The following ACACA variants were observed in gnomAD, a reference collection of about 807,000 sequenced individuals.
ACACA encodes the protein acetyl-CoA carboxylase 1.
In ACACA, 103 loss-of-function variants were observed where a neutral mutation model predicts 296.1. The ratio of observed to expected loss-of-function variants is 0.35; its 90% confidence interval spans 0.30 to 0.41. ACACA has a LOEUF of 0.41. Among genes scored for constraint, ACACA ranks in the 10% least tolerant of loss-of-function variants. ACACA has a pLI of 1.00. For synonymous variants in ACACA, 953 were observed against 1,038.6 expected (o/e 0.92, Z 1.58); for missense variants, 1,554 against 2,989.7 (o/e 0.52, Z 11.20).
Position 37,330,377 on chromosome 17 carries a change from G to A in ACACA, c.134C>T (p.Ala45Val). 1 of 1,614,184 alleles carries A rather than the reference G, an allele frequency of 6.2e-7. No individual in the cohort carries two copies. Among genetic ancestry groups the A allele is most frequent in the African/African-American group, 1.3e-5 (1 of 75,046 alleles). The part of the protein sequence containing the change: ...GGIMDEPSPL[A>V]QPLELNQHSR... ...GTGCTGGTTCAGCTCCAGAGGTTGG[G>A]CCAAGGGAGATGGTTCATCCATTAT... The change falls in exon 3 of 56, where the codon GCC becomes GTC. Residue 45 changes from alanine to valine, a missense_variant. This residue lies in a region of ACACA where 140 missense variants were observed against 147.7 expected (regional missense o/e 0.95). Transcript: ENST00000616317.
At chr17:37,337,255 A>T (rs985675698) in intron 2 of ACACA, among the ~76,000 whole-genome samples, 30 of 151,986 alleles carry the variant, frequency 2.0e-4, no homozygotes, top group African/African-American at 6.8e-4. Flanking sequence ...CCTAAAAAAA[A>T]ATTTTTTTTA....
chr17:37,146,993 C>T (rs2075839208), intron 45 of ACACA, among the ~76,000 whole-genome samples: 1 of 152,072 alleles, frequency 6.6e-6, no homozygotes. Context: ...AGGAGACGTG[C>T]ATTATCATTA....
intron 1 of ACACA, among the ~76,000 whole-genome samples, chr17:37,404,662 C>A (rs1211199597): frequency 2.0e-5 from 3 of 150,904 alleles, no homozygotes; most frequent in Non-Finnish European, 4.4e-5. Context: ...GCAACCTCCA[C>A]CTCCCAGGTT....
chr17:37,229,152 A>C (rs2079707957), intron 25 of ACACA, among the ~76,000 whole-genome samples: 2 of 151,924 alleles, frequency 1.3e-5, no homozygotes, highest in South Asian at 4.2e-4. Flanking sequence ...TCAAAAAAAA[A>C]AAAAAAGCAC....
chr17:37,277,985 G>C lies in ACACA; in HGVS notation c.631C>G (p.His211Asp), dbSNP rs1416516819. The change falls in exon 6 of 56, where the codon CAC becomes GAC. Residue 211 changes from histidine to aspartate, a missense_variant. Physicochemically the swap from His to Asp is moderately conservative, Grantham distance 81. This residue lies in a region of ACACA where 29 missense variants were observed against 90.3 expected (regional missense o/e 0.32). Coordinates refer to ENST00000616317, the MANE Select transcript of ACACA (RefSeq NM_198834.3). Reference sequence around the variant, plus strand: ...GGTCCTCCAGGCACTGGCACATAGTGATCTGCCATCTTAATGTATTCTGAA... The same window carrying C: ...GGTCCTCCAGGCACTGGCACATAGTCATCTGCCATCTTAATGTATTCTGAA... ...ANAEYIKMAD[H>D]YVPVPGGPNN... The C allele has an allele frequency of 6.2e-7, 1 of 1,613,400 alleles. No individual in the cohort carries two copies. Among genetic ancestry groups the C allele is most frequent in the East Asian group, 2.2e-5 (1 of 44,864 alleles).
rs1020239151 is a variant in ACACA, at chr17:37,385,922, A to T, written c.38+20340T>A. The T allele has an allele frequency of 3.5e-6, 3 of 858,666 alleles. No individual in the cohort carries two copies. In the African/African-American group the frequency reaches 5.2e-5, roughly 15 times the overall value. 53.2% of individuals were successfully genotyped at this position (858,666 alleles called of 1,614,324 possible). ...ATGGGACCACAATTGGAAGTTTACTATCAGCTGGGCAGGGTTTCATCAGAT... is the reference window on the plus strand; with the variant it reads ...ATGGGACCACAATTGGAAGTTTACTTTCAGCTGGGCAGGGTTTCATCAGAT... On this transcript the variant is annotated intron_variant, in intron 1 of 55. Transcript: ENST00000616317.
intron 41 of ACACA, 85 bp from the exon 42 acceptor site, chr17:37,162,135 C>T (rs1341497298): frequency 7.1e-7 from 1 of 1,418,216 alleles, no homozygotes; most frequent in Non-Finnish European, 9.9e-7. Flanking sequence ...CAGAGTATAC[C>T]TAGGCACAGC....
intron 45 of ACACA, among the ~76,000 whole-genome samples, chr17:37,138,242 T>C (rs2075412116): frequency 6.6e-6 from 1 of 152,214 alleles, no homozygotes; most frequent in African/African-American, 2.4e-5. Context: ...CATAGCTAGA[T>C]TTGGATCCAT....
chr17:37,225,179 T>C (rs1206836794), intron 26 of ACACA, 74 bp from the exon 27 acceptor site: 9 of 877,494 alleles, frequency 1.0e-5, no homozygotes, highest in Admixed American at 7.0e-5. Flanking sequence ...GCAGCTCTGA[T>C]ACAAAAGCAA....
intron 41 of ACACA, among the ~76,000 whole-genome samples, chr17:37,166,952 A>T (rs531454289): frequency 2.1e-4 from 31 of 148,874 alleles, no homozygotes; most frequent in Admixed American, 3.4e-4. Flanking sequence ...TTGTTTACTT[A>T]TTTTTTTTTT....
At chr17:37,376,372 C>T (rs1266026955) in intron 1 of ACACA, among the ~76,000 whole-genome samples, 2 of 152,178 alleles carry the variant, frequency 1.3e-5, no homozygotes, top group East Asian at 3.8e-4. Context: ...GAATGTGATG[C>T]ATTCTTATGT....
chr17:37,317,576 C>T (rs552466933), intron 3 of ACACA, among the ~76,000 whole-genome samples: 64 of 152,218 alleles, frequency 4.2e-4, no homozygotes, highest in African/African-American at 1.3e-3. Flanking sequence ...AAAAAAACTT[C>T]TTGGATTTCC....
intron 52 of ACACA, among the ~76,000 whole-genome samples, chr17:37,104,704 G>C (rs1042134653): frequency 3.3e-5 from 5 of 152,168 alleles, no homozygotes; most frequent in African/African-American, 1.2e-4. Flanking sequence ...CACTTTGAGA[G>C]GCCAAGGTGG....
rs73282814 is a variant in ACACA at position 37,282,129 on chromosome 17, G to T, written c.610+1138C>A. Among the ~76,000 whole-genome samples the T allele has an allele frequency of 6.7e-3, 1,022 of 152,264 alleles. 11 individuals carry two copies. Among genetic ancestry groups the T allele is most frequent in the African/African-American group, 0.024 (982 of 41,548 alleles). On this transcript the variant is annotated intron_variant, in intron 5 of 55. Transcript: ENST00000616317. Reference sequence around the variant, plus strand: ...TGGTAGGAGGTGTTTGGATCATGAGGGCAGCTCCCTCATGAATGGCTTGGG... The same window carrying T: ...TGGTAGGAGGTGTTTGGATCATGAGTGCAGCTCCCTCATGAATGGCTTGGG...
intron 41 of ACACA, among the ~76,000 whole-genome samples, chr17:37,168,520 T>C (rs1475856757): frequency 1.3e-5 from 2 of 148,714 alleles, no homozygotes; most frequent in Admixed American, 6.7e-5. Flanking sequence ...AGCATTTCCA[T>C]AACAAAAAAA....
intron 5 of ACACA, among the ~76,000 whole-genome samples, chr17:37,282,372 G>C (rs2082579028): frequency 6.6e-6 from 1 of 152,200 alleles, no homozygotes; most frequent in South Asian, 2.1e-4. Flanking sequence ...CTGTAGAATT[G>C]TGAGCCAATT....
rs546591173 is a variant in ACACA at position 37,321,797 on chromosome 17, A to T, written c.338+8376T>A. 9.0e-4 allele frequency among the ~76,000 whole-genome samples: 136 copies of T among 151,498 alleles called. 2 individuals carry two copies. In the South Asian group the frequency reaches 0.027, roughly 30 times the overall value. ...AAAAAAAAATACAAATACAAAAATTAGCCGGGCATGGTGGTGCACACCTGT... is the reference window on the plus strand; with the variant it reads ...AAAAAAAAATACAAATACAAAAATTTGCCGGGCATGGTGGTGCACACCTGT... On this transcript the variant is annotated intron_variant, in intron 3 of 55. Coordinates refer to ENST00000616317, the MANE Select transcript of ACACA (RefSeq NM_198834.3).
chr17:37,161,828 G>C lies in ACACA; in HGVS notation c.5302C>G (p.Arg1768Gly). ...GARIGLAEEI[R>G]HMFHVAWVDP... ...ACCCAGGCCACATGAAACATATGGC[G>C]AATTTCTTCTGCCAGTCCGATTCTT... The change falls in exon 42 of 56, where the codon CGC becomes GGC. Residue 1768 changes from arginine to glycine, a missense_variant. Physicochemically the swap from Arg to Gly is moderately radical, Grantham distance 125. Around this residue, in one of 16 missense-constraint regions of ACACA, gnomAD observed 553 missense variants for 1,043.6 expected, o/e 0.53. Coordinates refer to ENST00000616317, the MANE Select transcript of ACACA (RefSeq NM_198834.3). 6.2e-7 allele frequency: 1 copy of C among 1,613,754 alleles called. No homozygotes were observed. The highest frequency in any genetic ancestry group is 8.5e-7 in the Non-Finnish European group (1 of 1,179,988).
At chr17:37,216,049 GAC>G (rs2078966444) in intron 29 of ACACA, among the ~76,000 whole-genome samples, 1 of 144,150 alleles carries the variant, frequency 6.9e-6, no homozygotes, top group African/African-American at 2.6e-5. Context: ...GTTAAAAAAT[GAC>G]ACATTAAAAA....
Sources: allele counts gnomAD v4.1 joint callset (sites outside exome capture counted in the v4.1 genomes callset), GRCh38; gene constraint gnomAD v4.1.1; regional missense constraint gnomAD v4.1.1; transcripts MANE v1.5; gene names NCBI Gene and HGNC (gene_info 2026-07-23, HGNC 2026-07-21).